The following EYS variants were observed in gnomAD, a reference collection of about 807,000 sequenced individuals.
The protein encoded by EYS is EGF-like photoreceptor maintenance factor.
Under a neutral mutation model 282.1 loss-of-function variants are expected in EYS, and 250 were observed. The ratio of observed to expected loss-of-function variants is 0.89; its 90% CI spans 0.80 to 0.98. The LOEUF (loss-of-function observed/expected upper bound fraction) is 0.98. Among genes scored for constraint, EYS ranks in the 50% least tolerant of loss-of-function variants. The pLI, the probability that EYS is intolerant of heterozygous loss-of-function variation, is 0.00. For missense variants in EYS, 4,016 were observed against 3,709.0 expected (o/e 1.08, Z -2.15); for synonymous variants, 1,355 against 1,282.9 (o/e 1.06, Z -1.20).
chr6:64,838,774 T>C (rs1256272868), intron 19 of EYS, among the ~76,000 whole-genome samples: 1 of 152,008 alleles, frequency 6.6e-6, no homozygotes, highest in East Asian at 1.9e-4. Flanking sequence ...TGTGGAGTTG[T>C]AGAACTGAAA....
chr6:64,640,854 C>G (rs897526734), intron 22 of EYS, among the ~76,000 whole-genome samples: 1 of 152,302 alleles, frequency 6.6e-6, no homozygotes, highest in Admixed American at 6.5e-5. Flanking sequence ...CATTTAGTGT[C>G]TCATTTTGGA....
intron 37 of EYS, among the ~76,000 whole-genome samples, chr6:63,791,543 A>G (rs1322275166): frequency 6.8e-6 from 1 of 146,924 alleles, no homozygotes; most frequent in Non-Finnish European, 1.5e-5. Flanking sequence ...GTACCACTGC[A>G]CTCCAGCCTG....
At chr6:64,681,346 C>T (rs765315594) in intron 22 of EYS, among the ~76,000 whole-genome samples, 1 of 151,986 alleles carries the variant, frequency 6.6e-6, no homozygotes, top group African/African-American at 2.4e-5. Flanking sequence ...GTTTGGGTTG[C>T]TAGAGATCAA....
At chr6:65,663,873 T>G (rs1409035027) in intron 1 of EYS, among the ~76,000 whole-genome samples, 1 of 138,786 alleles carries the variant, frequency 7.2e-6, no homozygotes, top group Non-Finnish European at 1.6e-5. Flanking sequence ...TTTCTTTTTT[T>G]TTTTTTTTTT....
At chr6:65,501,089 T>A (rs2127277287) in intron 2 of EYS, among the ~76,000 whole-genome samples, 1 of 152,088 alleles carries the variant, frequency 6.6e-6, no homozygotes, top group Admixed American at 6.6e-5. Flanking sequence ...GCCTCAGAAA[T>A]TTTAAATAGC....
Position 64,325,061 on chromosome 6 carries a change from C to G in EYS, c.6079-17979G>C, listed in dbSNP as rs77370601. Among the ~76,000 whole-genome samples, 32 of 152,262 alleles carry G rather than the reference C, an allele frequency of 2.1e-4. 1 individual carries two copies. In the East Asian group the frequency reaches 5.6e-3, roughly 27 times the overall value. On this transcript the variant is annotated intron_variant, in intron 29 of 42. Transcript: ENST00000503581. ...GAAACTTAAAGATTTGATGTTATTC[C>G]TATCGAACTACCAAAGTCATTCTTC...
intron 35 of EYS, among the ~76,000 whole-genome samples, chr6:63,891,421 G>C (rs980146638): frequency 3.3e-5 from 5 of 152,118 alleles, no homozygotes; most frequent in African/African-American, 9.7e-5. Flanking sequence ...GGGAGGCAAG[G>C]CTGGTTCAAC....
chr6:65,633,712 C>T (rs1051799405), intron 2 of EYS, among the ~76,000 whole-genome samples: 1 of 152,176 alleles, frequency 6.6e-6, no homozygotes, highest in African/African-American at 2.4e-5. Flanking sequence ...CACAAACTGG[C>T]CCTTTTCCAA....
chr6:64,718,584 C>T (rs1363169378), intron 22 of EYS, among the ~76,000 whole-genome samples: 2 of 152,302 alleles, frequency 1.3e-5, no homozygotes, highest in Admixed American at 6.5e-5. Flanking sequence ...TCCACCTTAA[C>T]ATTCACGCTT....
intron 1 of EYS, among the ~76,000 whole-genome samples, chr6:65,644,747 TG>T (rs1767394532): frequency 6.6e-6 from 1 of 152,180 alleles, no homozygotes; most frequent in Non-Finnish European, 1.5e-5. Context: ...CAGAAGAGAT[TG>T]GGGGTCCTAT....
At chr6:65,696,087 TAAAAC>T (rs1431623809) in intron 1 of EYS, among the ~76,000 whole-genome samples, 2 of 151,926 alleles carry the variant, frequency 1.3e-5, no homozygotes, top group Non-Finnish European at 2.9e-5. Context: ...AGCAATCCTA[TAAAAC>T]AAAACAAAAG....
At chr6:64,420,729 C>T (rs1363852218) in intron 28 of EYS, among the ~76,000 whole-genome samples, 1 of 152,180 alleles carries the variant, frequency 6.6e-6, no homozygotes, top group East Asian at 1.9e-4. Flanking sequence ...TAAAGTTCCA[C>T]AGATCTCTTG....
intron 8 of EYS, among the ~76,000 whole-genome samples, chr6:65,364,806 G>A (rs1764852805): frequency 1.3e-5 from 2 of 151,598 alleles, no homozygotes; most frequent in South Asian, 2.1e-4. Flanking sequence ...AGAATATTAT[G>A]GAGTTAGAAG....
In EYS at chr6:64,596,538, T is replaced by C. The variant is rs186641551; in HGVS notation, c.3685-3229A>G. ...AGACACATAGACCAATGGAACAGAA[T>C]AGAGAAGAAAGAGATAGATTCACAT... On this transcript the variant is annotated intron_variant, in intron 24 of 42. Coordinates refer to ENST00000503581, the MANE Select transcript of EYS (RefSeq NM_001142800.2). 5.8e-4 allele frequency among the ~76,000 whole-genome samples: 89 copies of C among 152,168 alleles called. No homozygotes were observed. In the South Asian group the frequency reaches 0.013, roughly 22 times the overall value.
At chr6:65,286,669 C>G (rs1768376294) in intron 12 of EYS, among the ~76,000 whole-genome samples, 1 of 151,478 alleles carries the variant, frequency 6.6e-6, no homozygotes, top group South Asian at 2.1e-4. Flanking sequence ...TAAAAATGTT[C>G]TGAATAAAAA....
chr6:64,597,812 G>A (rs1055176950), intron 24 of EYS, among the ~76,000 whole-genome samples: 1 of 152,066 alleles, frequency 6.6e-6, no homozygotes, highest in African/African-American at 2.4e-5. Context: ...TCATCATTAT[G>A]CCATATAGAC....
rs190222488 is a variant in EYS, at chr6:65,296,825, G to T, written c.1767-706C>A. Among the ~76,000 whole-genome samples, 13 of 151,710 alleles carry T rather than the reference G, an allele frequency of 8.6e-5. No individual in the cohort carries two copies. In the East Asian group the frequency reaches 2.5e-3, roughly 29 times the overall value. On this transcript the variant is annotated intron_variant, in intron 11 of 42. Coordinates refer to ENST00000503581, the MANE Select transcript of EYS (RefSeq NM_001142800.2). The stretch of plus-strand genomic sequence containing the variant: ...TTTTTTACATAGTTTTCTTGTAAGT[G>T]AAGACAATTGTGAAATAGTCTGCAA...
chr6:65,419,490 C>A (rs1398754199), intron 5 of EYS, among the ~76,000 whole-genome samples: 5 of 151,642 alleles, frequency 3.3e-5, no homozygotes, highest in Non-Finnish European at 5.9e-5. Flanking sequence ...ACACATTGAG[C>A]CTAAATTTTG....
Position 64,339,054 on chromosome 6 carries a change from C to A in EYS, c.6079-31972G>T, listed in dbSNP as rs559647641. Among the ~76,000 whole-genome samples the A allele has an allele frequency of 2.6e-5, 4 of 152,062 alleles. No homozygotes were observed. In the East Asian group the frequency reaches 7.7e-4, roughly 29 times the overall value. On this transcript the variant is annotated intron_variant, in intron 29 of 42. Coordinates refer to ENST00000503581, the MANE Select transcript of EYS (RefSeq NM_001142800.2). ...ATTCTAGAAGATAACATTGGAAAAA[C>A]CCTTCTAGACATTGGCTTAGGCAAG...
Sources: allele counts gnomAD v4.1 joint callset (sites outside exome capture counted in the v4.1 genomes callset), GRCh38; gene constraint gnomAD v4.1.1; transcripts MANE v1.5; gene names NCBI Gene and HGNC (gene_info 2026-07-23, HGNC 2026-07-21).